PARP9: variants seen among roughly 807,000 people sequenced by gnomAD.
The protein encoded by PARP9 is poly(ADP-ribose) polymerase family member 9.
Under a neutral mutation model 68.8 loss-of-function variants are expected in PARP9, and 48 were observed. The ratio of observed to expected loss-of-function variants is 0.70; its 90% CI spans 0.55 to 0.89. PARP9 has a LOEUF of 0.89. Ranked by LOEUF, PARP9 falls within the 40% of genes least tolerant of loss-of-function variation. The pLI is 0.00. For synonymous variants in PARP9, 309 were observed against 333.8 expected (o/e 0.93, Z 0.81); for missense variants, 806 against 969.3 (o/e 0.83, Z 2.24).
intron 10 of PARP9, chr3:122,531,735 T>C (rs1014764625): frequency 4.6e-5 from 7 of 152,198 alleles, no homozygotes; most frequent in Non-Finnish European, 8.8e-5. Flanking sequence ...AAAGGGCTTT[T>C]TGAACCAAAA....
At chr3:122,542,798 T>C (rs1413470450) in intron 7 of PARP9, among the ~76,000 whole-genome samples, 1 of 152,104 alleles carries the variant, frequency 6.6e-6, no homozygotes, top group Admixed American at 6.5e-5. Flanking sequence ...ATTCTAACTT[T>C]AGTATATGTG....
intron 7 of PARP9, among the ~76,000 whole-genome samples, chr3:122,542,362 T>C (rs984885326): frequency 1.3e-5 from 2 of 148,570 alleles, no homozygotes; most frequent in African/African-American, 4.9e-5. Context: ...GCACTGGGAC[T>C]ACAGGCATGA....
At chr3:122,560,963 G>A (rs888449525) in intron 1 of PARP9, among the ~76,000 whole-genome samples, 9 of 152,202 alleles carry the variant, frequency 5.9e-5, no homozygotes, top group Admixed American at 5.9e-4. Context: ...AGCCAAACAA[G>A]GAGCATAGTG....
At chr3:122,557,611 G>A (rs935553576) in intron 3 of PARP9, among the ~76,000 whole-genome samples, 5 of 152,182 alleles carry the variant, frequency 3.3e-5, no homozygotes, top group East Asian at 3.8e-4. Flanking sequence ...CATGCCCAAC[G>A]TGGGACACCT....
At chr3:122,563,289 C>T (rs2080395183) in intron 1 of PARP9, among the ~76,000 whole-genome samples, 1 of 152,126 alleles carries the variant, frequency 6.6e-6, no homozygotes. Context: ...GCTACTGAGG[C>T]TACATGTGGC....
At position 122,548,053 on chromosome 3, in the gene PARP9, A is replaced by T. The variant is rs998528522; in HGVS notation, c.1326+2531T>A. ...AGCTGTGGGTGAGGCGCAGTGGGATACTGGAGCTGGCATACAATGACTCAA... is the reference window on the plus strand; with the variant it reads ...AGCTGTGGGTGAGGCGCAGTGGGATTCTGGAGCTGGCATACAATGACTCAA... On this transcript the variant is annotated intron_variant, in intron 6 of 10. Coordinates refer to ENST00000682323, the MANE Select transcript of PARP9 (RefSeq NM_001146105.2). 3.9e-5 allele frequency among the ~76,000 whole-genome samples: 6 copies of T among 152,168 alleles called. No homozygotes were observed. The South Asian group carries it at 1.0e-3, about 26-fold the overall frequency.
chr3:122,560,444 T>C (rs568330589), intron 1 of PARP9, among the ~76,000 whole-genome samples: 205 of 152,278 alleles, frequency 1.3e-3, no homozygotes, highest in Non-Finnish European at 2.5e-3. Flanking sequence ...AGGAATGCAG[T>C]GGCTCGATCT....
intron 3 of PARP9, among the ~76,000 whole-genome samples, chr3:122,557,802 G>A (rs575804414): frequency 2.0e-5 from 3 of 151,938 alleles, no homozygotes; most frequent in African/African-American, 7.3e-5. Context: ...TGGTGTCTAA[G>A]ATATTGTTGT....
intron 10 of PARP9, 123 bp downstream of exon 10, chr3:122,536,045 T>C: frequency 1.3e-6 from 2 of 1,575,994 alleles, no homozygotes; most frequent in Non-Finnish European, 1.7e-6. Flanking sequence ...ATTTGTGACC[T>C]CTAAATCACA....
chr3:122,538,858 G>GTT (rs11290575), intron 8 of PARP9, among the ~76,000 whole-genome samples: 4 of 148,822 alleles, frequency 2.7e-5, no homozygotes, highest in Admixed American at 2.7e-4. Context: ...TTTTATCCAT[G>GTT]TTTTTTTTTT....
At chr3:122,535,670 T>A in intron 10 of PARP9, 1 of 986,956 alleles carries the variant, frequency 1.0e-6, no homozygotes, top group South Asian at 4.7e-5. Context: ...GATCTTAAGA[T>A]GTTATGCACT....
chr3:122,533,539 A>T, intron 10 of PARP9: 1 of 344,236 alleles, frequency 2.9e-6, no homozygotes, highest in Non-Finnish European at 4.1e-6. Flanking sequence ...AAAAAGAGAG[A>T]AGATAAAGAA....
At chr3:122,564,214 C>T in intron 1 of PARP9, 31 bp downstream of exon 1, 1 of 552,312 alleles carries the variant, frequency 1.8e-6, no homozygotes, top group Non-Finnish European at 3.1e-6. Flanking sequence ...AGAGGGGACC[C>T]CGAGGGCCCA....
At chr3:122,535,702 A>G (rs977115825) in intron 10 of PARP9, 13 of 990,482 alleles carry the variant, frequency 1.3e-5, no homozygotes, top group Non-Finnish European at 1.6e-5. Context: ...ATGATACCTA[A>G]TTCATTCACT....
chr3:122,562,557 T>C (rs1011278474), intron 1 of PARP9, among the ~76,000 whole-genome samples: 8 of 152,180 alleles, frequency 5.3e-5, no homozygotes, highest in Admixed American at 5.2e-4. Context: ...TGAATAGGTA[T>C]TACATTTACA....
In PARP9 at chr3:122,555,951, C is replaced by T. The variant is rs1440805816; in HGVS notation, c.220G>A (p.Val74Met). Residue 74 changes from valine (V) to methionine (M), a missense_variant, in exon 4 of 11, where the codon GTG becomes ATG. Val to Met is a conservative substitution (Grantham distance 21, BLOSUM62 1). Coordinates refer to ENST00000682323, the MANE Select transcript of PARP9 (RefSeq NM_001146105.2). ...CTAGGAGTCAGCATTTTTCTGAACA[C>T]TTGCAGAGATTTGCTGTTGCCTTCC... ...VQEGNSKSLQ[V>M]FRKMLTPRIE... The T allele has an allele frequency of 6.2e-7, 1 of 1,613,918 alleles. No individual in the cohort carries two copies. Among genetic ancestry groups the T allele is most frequent in the Non-Finnish European group, 8.5e-7 (1 of 1,179,982 alleles).
At chr3:122,539,029 TC>T (rs912635316) in intron 8 of PARP9, among the ~76,000 whole-genome samples, 16 of 152,320 alleles carry the variant, frequency 1.1e-4, no homozygotes, top group African/African-American at 3.8e-4. Context: ...AAATCCATTC[TC>T]CACATTATAA....
intron 6 of PARP9, 143 bp downstream of exon 6, chr3:122,550,441 A>C: frequency 1.5e-6 from 1 of 688,232 alleles, no homozygotes; most frequent in Non-Finnish European, 2.4e-6. Context: ...TAAAAATTAA[A>C]CTTCACCAAG....
At chr3:122,542,797 TTAGTA>T (rs2078356327) in intron 7 of PARP9, among the ~76,000 whole-genome samples, 1 of 151,838 alleles carries the variant, frequency 6.6e-6, no homozygotes, top group Non-Finnish European at 1.5e-5. Flanking sequence ...TATTCTAACT[TTAGTA>T]TATGTGTTGG....
Sources: allele counts gnomAD v4.1 joint callset (sites outside exome capture counted in the v4.1 genomes callset), GRCh38; gene constraint gnomAD v4.1.1; transcripts MANE v1.5; gene names NCBI Gene and HGNC (gene_info 2026-07-23, HGNC 2026-07-21).